VPS8: variants seen among roughly 807,000 people sequenced by gnomAD.
VPS8 encodes the protein VPS8 subunit of CORVET complex.
Under a neutral mutation model 216.4 loss-of-function variants are expected in VPS8, and 129 were observed. That is an observed-to-expected ratio of 0.60 (90% CI 0.52 to 0.69). VPS8 has a LOEUF of 0.69. Ranked by LOEUF, VPS8 falls within the 30% of genes least tolerant of loss-of-function variation. VPS8 has a pLI of 0.00. For missense variants in VPS8, 1,531 were observed against 1,683.5 expected (o/e 0.91, Z 1.59); for synonymous variants, 571 against 565.4 (o/e 1.01, Z -0.14).
At chr3:184,887,594 G>A (rs1194569140) in intron 22 of VPS8, among the ~76,000 whole-genome samples, 1 of 152,220 alleles carries the variant, frequency 6.6e-6, no homozygotes, top group Non-Finnish European at 1.5e-5. Flanking sequence ...CAGTCCCACA[G>A]CTTTTGGTGG....
Position 184,983,111 on chromosome 3 carries a change from G to A in VPS8, c.3585+17G>A, listed in dbSNP as rs1430324083. ...ATCTTACAGGTGAGTTAAAAGGGGT[G>A]AATATTAAATATTGATTTCAACTAA... On this transcript the variant is annotated intron_variant, in intron 42 of 47. Transcript: ENST00000625842. The A allele has an allele frequency of 1.3e-6, 2 of 1,568,780 alleles. No individual in the cohort carries two copies. The highest frequency in any genetic ancestry group is 3.6e-5 in the Admixed American group (2 of 55,178).
intron 38 of VPS8, 23 bp from the exon 39 acceptor site, chr3:184,966,648 C>G: frequency 6.5e-7 from 1 of 1,530,696 alleles, no homozygotes; most frequent in Non-Finnish European, 8.9e-7. Flanking sequence ...CTTTTTAACT[C>G]CTATGTTCTT....
chr3:184,999,686 C>G lies in VPS8; in HGVS notation c.3837-10C>G. 1 of 1,597,096 alleles carries G rather than the reference C, an allele frequency of 6.3e-7. No individual in the cohort carries two copies. Among genetic ancestry groups the G allele is most frequent in the Non-Finnish European group, 8.5e-7 (1 of 1,174,664 alleles). On this transcript the variant is annotated splice_polypyrimidine_tract_variant and intron_variant, in intron 44 of 47. Coordinates refer to ENST00000625842, the MANE Select transcript of VPS8 (RefSeq NM_001009921.3). ...ATAAAAAGTACAAATTGGTTGCCTTCGTTTTGCAGCTGTGGCCATTTGTAT... is the reference window on the plus strand; with the variant it reads ...ATAAAAAGTACAAATTGGTTGCCTTGGTTTTGCAGCTGTGGCCATTTGTAT...
chr3:184,960,911 A>G (rs1475673285), intron 37 of VPS8, among the ~76,000 whole-genome samples: 3 of 152,226 alleles, frequency 2.0e-5, no homozygotes, highest in Non-Finnish European at 2.9e-5. Context: ...TTGAACCCAC[A>G]TAGTCTGACT....
At chr3:184,931,837 G>A (rs1740742052) in intron 34 of VPS8, among the ~76,000 whole-genome samples, 1 of 151,910 alleles carries the variant, frequency 6.6e-6, no homozygotes, top group Admixed American at 6.6e-5. Context: ...AAGTCTCCAT[G>A]GTTATATTAT....
intron 31 of VPS8, 87 bp downstream of exon 31, chr3:184,926,737 A>G: frequency 1.6e-6 from 2 of 1,280,628 alleles, no homozygotes; most frequent in Non-Finnish European, 1.1e-6. Context: ...CTCACTACAC[A>G]TGAGGGGCAA....
chr3:184,829,590 G>A (rs1719558857), intron 3 of VPS8, among the ~76,000 whole-genome samples: 2 of 151,978 alleles, frequency 1.3e-5, no homozygotes, highest in South Asian at 4.2e-4. Context: ...ATTCAGCTTT[G>A]GTATATATTG....
chr3:184,976,596 A>G (rs1336296294), intron 40 of VPS8, among the ~76,000 whole-genome samples: 3 of 152,186 alleles, frequency 2.0e-5, no homozygotes, highest in African/African-American at 7.2e-5. Flanking sequence ...CCCGATAGGT[A>G]GTTTTTATTC....
At chr3:184,816,950 T>G (rs1337454445) in intron 1 of VPS8, among the ~76,000 whole-genome samples, 1 of 152,186 alleles carries the variant, frequency 6.6e-6, no homozygotes, top group Non-Finnish European at 1.5e-5. Flanking sequence ...TCCTTCCCGT[T>G]GCTGAAGATA....
At chr3:184,935,916 G>A (rs554190358) in intron 34 of VPS8, among the ~76,000 whole-genome samples, 1 of 152,250 alleles carries the variant, frequency 6.6e-6, no homozygotes, top group Non-Finnish European at 1.5e-5. Context: ...AGGGTGAAAT[G>A]CATTGACAGG....
intron 1 of VPS8, among the ~76,000 whole-genome samples, chr3:184,818,355 CTA>C (rs752461662): frequency 2.0e-4 from 31 of 151,944 alleles, no homozygotes; most frequent in African/African-American, 6.5e-4. Context: ...AACATCATCT[CTA>C]TGAAAAATTC....
rs113635324 is a variant in VPS8 at position 184,938,649 on chromosome 3, CT to C, written c.2989-1535del. On this transcript the variant is annotated intron_variant, in intron 35 of 47. Coordinates refer to ENST00000625842, the MANE Select transcript of VPS8 (RefSeq NM_001009921.3). ...GGATTTTCTTTTCTTTTCTTTTTTT[CT>C]TTTTTTTTTTTTGTAGTCTCTACGG... Among the ~76,000 whole-genome samples the C allele has an allele frequency of 6.4e-3, 896 of 140,594 alleles. 9 individuals are homozygous for C. Among genetic ancestry groups the C allele is most frequent in the East Asian group, 0.047 (232 of 4,898 alleles). 92.2% of individuals were successfully genotyped at this position (140,594 alleles called of 152,430 possible).
intron 17 of VPS8, among the ~76,000 whole-genome samples, chr3:184,867,353 A>G (rs958224279): frequency 4.6e-5 from 7 of 152,246 alleles, no homozygotes; most frequent in Non-Finnish European, 1.0e-4. Flanking sequence ...TTGTTGGAAT[A>G]GGAACTTTCT....
chr3:184,893,327 A>G, intron 22 of VPS8: 1 of 1,278,538 alleles, frequency 7.8e-7, no homozygotes, highest in African/African-American at 1.5e-5. Flanking sequence ...CCTGTGAATA[A>G]ATAAACCATT....
chr3:184,859,895 A>G, intron 14 of VPS8, 90 bp from the exon 15 acceptor site: 1 of 873,304 alleles, frequency 1.1e-6, no homozygotes, highest in Non-Finnish European at 1.8e-6. Flanking sequence ...TAATGGGTAA[A>G]TGTGATACTC....
intron 45 of VPS8, 78 bp from the exon 46 acceptor site, chr3:185,024,258 T>C: frequency 7.9e-7 from 1 of 1,265,662 alleles, no homozygotes; most frequent in Non-Finnish European, 1.1e-6. Flanking sequence ...CAATTCTAGT[T>C]GAATTATTTT....
Position 184,940,180 on chromosome 3 carries a change from A to T in VPS8, c.2989-17A>T. The T allele has an allele frequency of 6.9e-7, 1 of 1,455,142 alleles. No individual in the cohort carries two copies. The highest frequency in any genetic ancestry group is 9.2e-7 in the Non-Finnish European group (1 of 1,085,616). 90.1% of individuals were successfully genotyped at this position (1,455,142 alleles called of 1,614,324 possible). On this transcript the variant is annotated splice_polypyrimidine_tract_variant and intron_variant, in intron 35 of 47. Coordinates refer to ENST00000625842, the MANE Select transcript of VPS8 (RefSeq NM_001009921.3). The stretch of plus-strand genomic sequence containing the variant: ...GTTTTAATATTTAATTGTAATTTTT[A>T]TTGTTTTTCTGTTCAGAACCAGGTT...
At chr3:185,014,256 C>G (rs1755459216) in intron 45 of VPS8, among the ~76,000 whole-genome samples, 1 of 152,198 alleles carries the variant, frequency 6.6e-6, no homozygotes, top group South Asian at 2.1e-4. Flanking sequence ...CTTCCACCAT[C>G]TGTGACAGCT....
chr3:185,005,698 T>A (rs1009265390), intron 45 of VPS8, among the ~76,000 whole-genome samples: 1 of 152,118 alleles, frequency 6.6e-6, no homozygotes, highest in Non-Finnish European at 1.5e-5. Context: ...GATTCTCAGC[T>A]TGGTCATAGT....
Sources: allele counts gnomAD v4.1 joint callset (sites outside exome capture counted in the v4.1 genomes callset), GRCh38; gene constraint gnomAD v4.1.1; transcripts MANE v1.5; gene names NCBI Gene and HGNC (gene_info 2026-07-23, HGNC 2026-07-21).